ZMYM4: variants seen among roughly 807,000 people sequenced by gnomAD.
ZMYM4 encodes the protein zinc finger MYM-type containing 4, also known as zinc finger MYM-type protein 4.
In ZMYM4, 31 loss-of-function variants were observed where a neutral mutation model predicts 183.2. The ratio of observed to expected loss-of-function variants is 0.17; its 90% confidence interval spans 0.13 to 0.23. The LOEUF is 0.23. Ranked by LOEUF, ZMYM4 falls within the 10% of genes least tolerant of loss-of-function variation. The pLI is 1.00. For missense variants in ZMYM4, 1,273 were observed against 1,840.3 expected (o/e 0.69, Z 5.64); for synonymous variants, 592 against 631.2 (o/e 0.94, Z 0.93).
chr1:35,417,270 T>G (rs1484280136), intron 28 of ZMYM4, among the ~76,000 whole-genome samples: 1 of 151,636 alleles, frequency 6.6e-6, no homozygotes, highest in Non-Finnish European at 1.5e-5. Flanking sequence ...AAAACCTTTT[T>G]TCCTTAGGTC....
intron 23 of ZMYM4, chr1:35,404,712 G>T: frequency 5.6e-6 from 1 of 178,874 alleles, no homozygotes; most frequent in Non-Finnish European, 1.2e-5. Context: ...TCATTAAATA[G>T]ACCTGAGTGG....
Position 35,381,616 on chromosome 1 carries a change from G to A in ZMYM4, c.1427G>A (p.Arg476His). The A allele has an allele frequency of 6.2e-7, 1 of 1,614,132 alleles. No individual in the cohort carries two copies. The highest frequency in any genetic ancestry group is 8.5e-7 in the Non-Finnish European group (1 of 1,180,026). Residue 476 changes from arginine (R) to histidine (H), a missense_variant, in exon 9 of 30, where the codon CGT (arginine) becomes CAT (histidine). Transcript: ENST00000314607. ...LCSDACFSKF[R>H]SANNLTMNCC... ...AGTGATGCCTGCTTCTCTAAGTTTC[G>A]TTCTGCTAACAACCTCACCATGAAC... is the stretch of plus-strand genomic sequence containing the variant.
chr1:35,419,775 G>A lies in ZMYM4; in HGVS notation c.*98G>A. ...ATGATGTATAAGTCTAAGTCCTCTT[G>A]ACTTGACCATAAGATCATGGAAAAC... On this transcript the variant is annotated 3_prime_UTR_variant, in exon 30 of 30. Coordinates refer to ENST00000314607, the MANE Select transcript of ZMYM4 (RefSeq NM_005095.3). 1 of 1,233,076 alleles carries A rather than the reference G, an allele frequency of 8.1e-7. No individual in the cohort carries two copies. Among genetic ancestry groups the A allele is most frequent in the Non-Finnish European group, 1.2e-6 (1 of 866,862 alleles). 76.4% of individuals were successfully genotyped at this position (1,233,076 alleles called of 1,614,324 possible). A position where few individuals can be genotyped will look rare whatever the true frequency, so the allele number is the denominator to read the frequency against.
intron 3 of ZMYM4, 116 bp from the exon 4 acceptor site, chr1:35,361,078 G>A (rs937299591): frequency 3.3e-5 from 29 of 867,572 alleles, no homozygotes; most frequent in African/African-American, 7.1e-5. Flanking sequence ...TCACTCTAAC[G>A]AGCATCTTTG....
At chr1:35,270,530 G>T (rs572651623) in intron 1 of ZMYM4, among the ~76,000 whole-genome samples, 11 of 152,192 alleles carry the variant, frequency 7.2e-5, no homozygotes, top group African/African-American at 2.6e-4. Flanking sequence ...AGGCCGAGGC[G>T]GCAGGATCAC....
chr1:35,356,436 T>A (rs924320423), intron 2 of ZMYM4, among the ~76,000 whole-genome samples: 2 of 152,176 alleles, frequency 1.3e-5, no homozygotes, highest in African/African-American at 4.8e-5. Context: ...TCAGCATACA[T>A]CTCCTAAGAT....
At chr1:35,300,781 T>C (rs1390790030) in intron 1 of ZMYM4, among the ~76,000 whole-genome samples, 1 of 152,218 alleles carries the variant, frequency 6.6e-6, no homozygotes, top group East Asian at 1.9e-4. Flanking sequence ...AGTATATTCA[T>C]GCTTTCACCT....
chr1:35,379,690 T>G (rs1049807259), intron 7 of ZMYM4, among the ~76,000 whole-genome samples: 1 of 152,254 alleles, frequency 6.6e-6, no homozygotes, highest in African/African-American at 2.4e-5. Flanking sequence ...CATTTCTAGC[T>G]TTTGATTTAT....
At chr1:35,368,059 G>GCC (rs200355841) in intron 5 of ZMYM4, among the ~76,000 whole-genome samples, 1 of 125,846 alleles carries the variant, frequency 7.9e-6, no homozygotes, top group African/African-American at 3.1e-5. Context: ...GCCAAATCCA[G>GCC]CGCCCCCCCC....
In ZMYM4 at chr1:35,387,517, A is replaced by G; in HGVS notation, c.2176A>G (p.Met726Val). The change falls in exon 13 of 30, where the codon ATG becomes GTG. Residue 726 changes from methionine to valine, a missense_variant. Met to Val is a conservative substitution (Grantham distance 21). Transcript: ENST00000314607. ...SDEYKKINNV[M>V]AMCEYCKIEK... ...TGAATATAAGAAAATAAATAATGTA[A>G]TGGCAATGTGTGAATATTGTAAAAT... 6.2e-7 allele frequency: 1 copy of G among 1,613,530 alleles called. No homozygotes were observed.
chr1:35,323,012 G>A (rs966913734), intron 1 of ZMYM4, among the ~76,000 whole-genome samples: 1 of 150,654 alleles, frequency 6.6e-6, no homozygotes, highest in African/African-American at 2.4e-5. Flanking sequence ...TTTTGTTTTT[G>A]TTTTTGAGAC....
At chr1:35,342,367 C>T (rs1311529031) in intron 2 of ZMYM4, among the ~76,000 whole-genome samples, 4 of 151,976 alleles carry the variant, frequency 2.6e-5, no homozygotes, top group African/African-American at 4.8e-5. Flanking sequence ...TTCTCTGTTG[C>T]CTAGGCTGGT....
At chr1:35,288,138 T>A (rs1430902522) in intron 1 of ZMYM4, among the ~76,000 whole-genome samples, 4 of 152,230 alleles carry the variant, frequency 2.6e-5, no homozygotes, top group Non-Finnish European at 5.9e-5. Context: ...GGTATGATTT[T>A]AAAAACATTT....
chr1:35,301,383 CT>C, intron 1 of ZMYM4, among the ~76,000 whole-genome samples: 1 of 152,108 alleles, frequency 6.6e-6, no homozygotes, highest in South Asian at 2.1e-4. Context: ...CTCGTCTCTA[CT>C]AAAAGTACAA....
intron 1 of ZMYM4, among the ~76,000 whole-genome samples, chr1:35,278,170 ATCT>A (rs985591647): frequency 2.0e-5 from 3 of 151,850 alleles, no homozygotes; most frequent in African/African-American, 7.3e-5. Context: ...TTCTTTCTGC[ATCT>A]TCTTTTCTGT....
chr1:35,419,629 A>G lies in ZMYM4; in HGVS notation c.4599A>G (p.Glu1533=). The G allele has an allele frequency of 6.2e-7, 1 of 1,614,190 alleles. No homozygotes were observed. Among genetic ancestry groups the G allele is most frequent in the Non-Finnish European group, 8.5e-7 (1 of 1,180,026 alleles). The change falls in exon 30 of 30, where the codon GAA becomes GAG. Residue 1533 remains glutamate, a synonymous_variant. Coordinates refer to ENST00000314607, the MANE Select transcript of ZMYM4 (RefSeq NM_005095.3). ...TCATGGTGAGGGAGGTACATGAAGA[A>G]CTTGCCAAAGCCAAATCTGAAGACT... The part of the protein sequence containing the change: ...RILMVREVHE[E]LAKAKSEDSD...
Position 35,278,482 on chromosome 1 carries a change from G to A in ZMYM4, c.39+9397G>A, listed in dbSNP as rs868190455. On this transcript the variant is annotated intron_variant, in intron 1 of 29. Transcript: ENST00000314607. ...ACTCTCTCGCCCAGGCTGGAGTGTA[G>A]TGGCAGAATCTTGGCTCACTGCAAC... 9.9e-4 allele frequency among the ~76,000 whole-genome samples: 146 copies of A among 147,074 alleles called. 1 individual carries two copies. The Middle Eastern group carries it at 0.042, about 42-fold the overall frequency.
At chr1:35,314,087 A>G (rs1052944172) in intron 1 of ZMYM4, among the ~76,000 whole-genome samples, 1 of 152,176 alleles carries the variant, frequency 6.6e-6, no homozygotes, top group Non-Finnish European at 1.5e-5. Flanking sequence ...TGTTTTAGTT[A>G]TAAGTTTTAT....
At chr1:35,331,650 G>T (rs1297306541) in intron 2 of ZMYM4, among the ~76,000 whole-genome samples, 1 of 151,870 alleles carries the variant, frequency 6.6e-6, no homozygotes, top group Non-Finnish European at 1.5e-5. Context: ...CACTGGGTGT[G>T]GTGGCGGGCA....
Sources: allele counts gnomAD v4.1 joint callset (sites outside exome capture counted in the v4.1 genomes callset), GRCh38; gene constraint gnomAD v4.1.1; transcripts MANE v1.5; gene names NCBI Gene and HGNC (gene_info 2026-07-23, HGNC 2026-07-21).